The following GPC5 variants were observed in gnomAD, a reference collection of about 807,000 sequenced individuals.
GPC5 encodes glypican-5.
Under a neutral mutation model 53.9 loss-of-function variants are expected in GPC5, and 47 were observed. That is an observed-to-expected ratio of 0.87 (90% CI 0.69 to 1.11). The LOEUF (loss-of-function observed/expected upper bound fraction) is 1.11. Ranked by LOEUF, GPC5 falls within the 50% of genes most tolerant of loss-of-function variation. The pLI is 0.00. For missense variants in GPC5, 748 were observed against 713.1 expected, an observed-to-expected ratio of 1.05 and a Z score of -0.56; for synonymous variants, 286 against 263.3, an observed-to-expected ratio of 1.09 and a Z score of -0.84.
At chr13:91,490,098 G>A (rs1883856246) in intron 2 of GPC5, among the ~76,000 whole-genome samples, 2 of 152,102 alleles carry the variant, frequency 1.3e-5, no homozygotes, top group African/African-American at 4.8e-5. Context: ...TTATTATTAT[G>A]GTAAAGGATA....
chr13:91,443,574 G>A (rs904171311), intron 1 of GPC5, among the ~76,000 whole-genome samples: 9 of 152,128 alleles, frequency 5.9e-5, no homozygotes, highest in Admixed American at 3.9e-4. Flanking sequence ...TATCTGCTAC[G>A]TAAGATGTTT....
chr13:92,418,547 T>G (rs1386597182), intron 7 of GPC5, among the ~76,000 whole-genome samples: 2 of 152,142 alleles, frequency 1.3e-5, no homozygotes, highest in Non-Finnish European at 2.9e-5. Context: ...ATTAACTTGA[T>G]CAAATTCCTA....
intron 6 of GPC5, among the ~76,000 whole-genome samples, chr13:91,978,441 C>G (rs767188690): frequency 6.6e-6 from 1 of 152,146 alleles, no homozygotes; most frequent in Non-Finnish European, 1.5e-5. Flanking sequence ...ACAAATATAG[C>G]CATAAGATTA....
chr13:92,549,985 A>T (rs534785081), intron 7 of GPC5, among the ~76,000 whole-genome samples: 13 of 151,738 alleles, frequency 8.6e-5, no homozygotes, highest in East Asian at 5.8e-4. Flanking sequence ...AATATTACTG[A>T]TAACTATAAT....
At chr13:92,497,059 G>A (rs550090034) in intron 7 of GPC5, among the ~76,000 whole-genome samples, 2 of 152,306 alleles carry the variant, frequency 1.3e-5, no homozygotes, top group South Asian at 2.1e-4. Flanking sequence ...TAGGTTGCCT[G>A]TTCATTCTGA....
chr13:92,588,443 G>A (rs530879154), intron 7 of GPC5, among the ~76,000 whole-genome samples: 2 of 152,310 alleles, frequency 1.3e-5, no homozygotes, highest in East Asian at 3.9e-4. Context: ...CATCTACACT[G>A]CTACCCACTG....
intron 7 of GPC5, among the ~76,000 whole-genome samples, chr13:92,525,104 A>C (rs1881221533): frequency 6.6e-6 from 1 of 152,104 alleles, no homozygotes; most frequent in African/African-American, 2.4e-5. Context: ...ATACCATCGC[A>C]TGGCACATGA....
At chr13:91,890,546 A>T (rs964908746) in intron 5 of GPC5, among the ~76,000 whole-genome samples, 7 of 152,068 alleles carry the variant, frequency 4.6e-5, no homozygotes, top group African/African-American at 1.7e-4. Flanking sequence ...CAACAAGGGA[A>T]GTTTGTAGTG....
intron 7 of GPC5, among the ~76,000 whole-genome samples, chr13:92,183,984 A>G (rs1400118111): frequency 6.6e-6 from 1 of 152,080 alleles, no homozygotes; most frequent in Admixed American, 6.5e-5. Flanking sequence ...TATTTTTAAA[A>G]AAGTTATTGA....
chr13:91,415,785 T>C (rs1202379918), intron 1 of GPC5, among the ~76,000 whole-genome samples: 1 of 152,136 alleles, frequency 6.6e-6, no homozygotes, highest in Non-Finnish European at 1.5e-5. Flanking sequence ...ATAAACTATC[T>C]ATTTAACCAA....
At chr13:92,049,115 G>A (rs2138835652) in intron 6 of GPC5, among the ~76,000 whole-genome samples, 1 of 152,224 alleles carries the variant, frequency 6.6e-6, no homozygotes, top group East Asian at 1.9e-4. Flanking sequence ...CGGAGGGATA[G>A]CTTATTAATA....
intron 7 of GPC5, among the ~76,000 whole-genome samples, chr13:92,739,229 A>T (rs1313342053): frequency 6.6e-6 from 1 of 152,096 alleles, no homozygotes; most frequent in Admixed American, 6.6e-5. Flanking sequence ...CAGAGTATTC[A>T]TTGTCCATTT....
intron 5 of GPC5, among the ~76,000 whole-genome samples, chr13:91,887,406 G>T (rs2039336075): frequency 6.6e-6 from 1 of 152,186 alleles, no homozygotes; most frequent in Non-Finnish European, 1.5e-5. Context: ...AGGTGTGAAG[G>T]TCTAACATGT....
chr13:92,832,762 C>A (rs1878089925), intron 7 of GPC5, among the ~76,000 whole-genome samples: 1 of 152,160 alleles, frequency 6.6e-6, no homozygotes, highest in African/African-American at 2.4e-5. Context: ...AGTCCCCGCA[C>A]TTTGGGAGAC....
rs181275517 is a variant in GPC5 at position 91,664,057 on chromosome 13, T to C, written c.326-29130T>C. On this transcript the variant is annotated intron_variant, in intron 2 of 7. Coordinates refer to ENST00000377067, the MANE Select transcript of GPC5 (RefSeq NM_004466.6). ...TCTGAACCAGGTCCTGATTATACAA[T>C]CACTATAATATAATGAAAGATACTT... Among the ~76,000 whole-genome samples the C allele has an allele frequency of 5.9e-5, 9 of 152,308 alleles. No individual in the cohort carries two copies. The East Asian group carries it at 1.7e-3, about 29-fold the overall frequency.
At chr13:92,241,808 G>A (rs956862574) in intron 7 of GPC5, 1 of 152,118 alleles carries the variant, frequency 6.6e-6, no homozygotes, top group African/African-American at 2.4e-5. Context: ...TTGAGTTTTA[G>A]TATACAATTT....
rs142400169 is a variant in GPC5 at position 92,728,634 on chromosome 13, A to G, written c.1562-137648A>G. 3.7e-4 allele frequency among the ~76,000 whole-genome samples: 56 copies of G among 151,536 alleles called. No homozygotes were observed. In the East Asian group the frequency reaches 4.9e-3, roughly 13 times the overall value. Reference sequence around the variant, plus strand: ...CACATAAAATACAGCACTGATTGTTATTATTTAAAAATGCAGTCACTATCT... The same window carrying G: ...CACATAAAATACAGCACTGATTGTTGTTATTTAAAAATGCAGTCACTATCT... On this transcript the variant is annotated intron_variant, in intron 7 of 7. Transcript: ENST00000377067.
At chr13:92,259,645 G>A (rs1402716282) in intron 7 of GPC5, among the ~76,000 whole-genome samples, 1 of 152,076 alleles carries the variant, frequency 6.6e-6, no homozygotes, top group African/African-American at 2.4e-5. Flanking sequence ...GAGAGTGTGG[G>A]GGCGGCTAAT....
intron 7 of GPC5, among the ~76,000 whole-genome samples, chr13:92,861,741 T>C (rs945478729): frequency 1.3e-5 from 2 of 152,186 alleles, no homozygotes; most frequent in Admixed American, 6.6e-5. Flanking sequence ...ATTTTCTTTT[T>C]ATAGATTCTG....
Sources: allele counts gnomAD v4.1 joint callset (sites outside exome capture counted in the v4.1 genomes callset), GRCh38; gene constraint gnomAD v4.1.1; transcripts MANE v1.5; gene names NCBI Gene and HGNC (gene_info 2026-07-23, HGNC 2026-07-21).